The following ERI3 variants were observed in gnomAD, a reference collection of about 807,000 sequenced individuals.
The protein encoded by ERI3 is ERI1 exoribonuclease 3.
Under a neutral mutation model 44.4 loss-of-function variants are expected in ERI3, and 18 were observed. The observed-to-expected ratio is 0.41, with a 90% CI of 0.28 to 0.60. The LOEUF is 0.60. Among genes scored for constraint, ERI3 ranks in the 20% least tolerant of loss-of-function variants. ERI3 has a pLI of 0.36. For missense variants in ERI3, 294 were observed against 435.5 expected (o/e 0.68, Z 2.89); for synonymous variants, 183 against 164.8 (o/e 1.11, Z -0.84).
At chr1:44,341,470 T>C (rs1355825410) in intron 2 of ERI3, among the ~76,000 whole-genome samples, 1 of 152,256 alleles carries the variant, frequency 6.6e-6, no homozygotes, top group Non-Finnish European at 1.5e-5. Flanking sequence ...GTAATATCGA[T>C]GTCTTCTGCA....
In ERI3 at chr1:44,235,890, T is replaced by C. The variant is rs1362890942; in HGVS notation, c.931+12049A>G. ...GATGCCCTGGAGAAAGGCCTAGCTA[T>C]GCCTAGGGACTCTGGGAAGGGGGGA... On this transcript the variant is annotated intron_variant, in intron 8 of 8. Transcript: ENST00000372257. This position sits in a 1 kb window ranked among gnomAD's most constrained non-coding sequence, Gnocchi z 4.6. 6.6e-6 allele frequency among the ~76,000 whole-genome samples: 1 copy of C among 152,144 alleles called. No homozygotes were observed. The highest frequency in any genetic ancestry group is 1.5e-5 in the Non-Finnish European group (1 of 67,996).
intron 2 of ERI3, among the ~76,000 whole-genome samples, chr1:44,347,920 G>A (rs980498173): frequency 6.6e-6 from 1 of 151,748 alleles, no homozygotes; most frequent in Non-Finnish European, 1.5e-5. Context: ...AATCTAAACT[G>A]TGCTAAGTCT....
intron 7 of ERI3, among the ~76,000 whole-genome samples, chr1:44,265,545 C>T (rs976852293): frequency 2.6e-5 from 4 of 151,926 alleles, no homozygotes; most frequent in African/African-American, 7.3e-5. Context: ...GAAAGACAGA[C>T]AAGTGTTCTT....
At chr1:44,338,874 A>G (rs1646588881) in intron 3 of ERI3, among the ~76,000 whole-genome samples, 171 bp downstream of exon 3, 1 of 152,194 alleles carries the variant, frequency 6.6e-6, no homozygotes, top group African/African-American at 2.4e-5. Context: ...TCTCAGGTCT[A>G]CCTTACACTA....
At position 44,223,960 on chromosome 1, in the gene ERI3, G is replaced by A. The variant is rs377743696; in HGVS notation, c.932-2320C>T. 3.8e-4 allele frequency among the ~76,000 whole-genome samples: 58 copies of A among 152,192 alleles called. No individual in the cohort carries two copies. The East Asian group carries it at 6.6e-3, about 17-fold the overall frequency. Reference sequence around the variant, plus strand: ...AGATAAACCCTAAACGTCCAATCACGAGCTAATTTTCTCTCCAAGCTGCTG... The same window carrying A: ...AGATAAACCCTAAACGTCCAATCACAAGCTAATTTTCTCTCCAAGCTGCTG... On this transcript the variant is annotated intron_variant, in intron 8 of 8. Coordinates refer to ENST00000372257, the MANE Select transcript of ERI3 (RefSeq NM_024066.3).
At position 44,290,582 on chromosome 1, in the gene ERI3, G is replaced by A. The variant is rs528556374; in HGVS notation, c.759-5675C>T. ...GATCCCAGTCAGGGAGCCCTATCTA[G>A]TCAGAGCCTCCATGGGCAGCATGAT... On this transcript the variant is annotated intron_variant, in intron 6 of 8. Coordinates refer to ENST00000372257, the MANE Select transcript of ERI3 (RefSeq NM_024066.3). Among the ~76,000 whole-genome samples, 16 of 152,314 alleles carry A rather than the reference G, an allele frequency of 1.1e-4. No homozygotes were observed. The South Asian group carries it at 3.3e-3, about 32-fold the overall frequency.
intron 4 of ERI3, among the ~76,000 whole-genome samples, chr1:44,315,881 G>A (rs1489510821): frequency 6.6e-6 from 1 of 152,192 alleles, no homozygotes; most frequent in Non-Finnish European, 1.5e-5. Context: ...GGCTGGGCAT[G>A]GTGGCTCAGC....
chr1:44,307,157 TG>T (rs1645854580), intron 6 of ERI3, among the ~76,000 whole-genome samples: 1 of 152,108 alleles, frequency 6.6e-6, no homozygotes, highest in African/African-American at 2.4e-5. Context: ...CTGATGGGTG[TG>T]GGAGATGAGG....
At chr1:44,333,878 T>TAA (rs1646479657) in intron 3 of ERI3, among the ~76,000 whole-genome samples, 1 of 152,222 alleles carries the variant, frequency 6.6e-6, no homozygotes, top group Non-Finnish European at 1.5e-5. Context: ...GAAACTCCTT[T>TAA]ACTCATAGTT....
At chr1:44,343,397 G>A (rs72891796) in intron 2 of ERI3, among the ~76,000 whole-genome samples, 8,701 of 152,146 alleles carry the variant, frequency 0.057, 847 homozygotes, top group African/African-American at 0.2. Flanking sequence ...TGATCAAAGT[G>A]AACATTATCA....
rs551631828 is a variant in ERI3, at chr1:44,308,294, C to G, written c.758+16G>C. On this transcript the variant is annotated intron_variant, in intron 6 of 8. Transcript: ENST00000372257. ...ATTCCAAGCCCTGCCAGCAAAGCAG[C>G]CCTTCTCATACTCACATGACTTTTA... is the stretch of plus-strand genomic sequence containing the variant. 3.1e-5 allele frequency: 49 copies of G among 1,585,868 alleles called. No homozygotes were observed. In the South Asian group the frequency reaches 5.4e-4, roughly 18 times the overall value.
intron 2 of ERI3, among the ~76,000 whole-genome samples, chr1:44,340,761 AC>A (rs1474463729): frequency 6.6e-6 from 1 of 152,236 alleles, no homozygotes; most frequent in Admixed American, 6.5e-5. Context: ...TGGATCCTGC[AC>A]AAGCACAGCA....
At chr1:44,303,570 T>C (rs559019901) in intron 6 of ERI3, among the ~76,000 whole-genome samples, 27 of 152,268 alleles carry the variant, frequency 1.8e-4, no homozygotes, top group Admixed American at 1.2e-3. Context: ...ATTTTATGTA[T>C]TAATGTGTAC....
intron 7 of ERI3, among the ~76,000 whole-genome samples, chr1:44,262,222 T>C (rs996298736): frequency 1.3e-5 from 2 of 152,092 alleles, no homozygotes; most frequent in African/African-American, 4.8e-5. Flanking sequence ...TCTCTGACAC[T>C]TGTCCTCTCT....
At chr1:44,275,887 T>C (rs1041378598) in intron 7 of ERI3, among the ~76,000 whole-genome samples, 1 of 152,172 alleles carries the variant, frequency 6.6e-6, no homozygotes, top group Admixed American at 6.6e-5. Flanking sequence ...TATAAAGGAA[T>C]ACTTGAGGAT....
intron 6 of ERI3, among the ~76,000 whole-genome samples, chr1:44,291,182 C>A (rs1440107524): frequency 6.6e-6 from 1 of 152,212 alleles, no homozygotes; most frequent in Admixed American, 6.5e-5. Flanking sequence ...CAGCTCTGAA[C>A]TACCACATTG....
intron 5 of ERI3, among the ~76,000 whole-genome samples, chr1:44,312,340 G>C (rs1645989650): frequency 6.6e-6 from 1 of 152,080 alleles, no homozygotes; most frequent in South Asian, 2.1e-4. Context: ...AGATCCACGG[G>C]CTTTTTCTCT....
rs918603208 is a variant in ERI3 at position 44,235,724 on chromosome 1, G to C, written c.931+12215C>G. 2.6e-5 allele frequency among the ~76,000 whole-genome samples: 4 copies of C among 152,148 alleles called. No individual in the cohort carries two copies. In the South Asian group the frequency reaches 8.3e-4, roughly 32 times the overall value. The stretch of plus-strand genomic sequence containing the variant: ...CCTTCCCCACCTCCGTTCCCTTCTA[G>C]CATCTTGGTTTCCCCAGGACTTCAC... On this transcript the variant is annotated intron_variant, in intron 8 of 8. Transcript: ENST00000372257. This position sits in a 1 kb window ranked among gnomAD's most constrained non-coding sequence, Gnocchi z 4.6.
chr1:44,226,815 A>ACACACACACACACACAC (rs1557764548), intron 8 of ERI3, among the ~76,000 whole-genome samples: 1 of 149,392 alleles, frequency 6.7e-6, no homozygotes, highest in Non-Finnish European at 1.5e-5. Flanking sequence ...ACACACACAC[A>ACACACACACACACACAC]AACTATCCTA....
Sources: allele counts gnomAD v4.1 joint callset (sites outside exome capture counted in the v4.1 genomes callset), GRCh38; gene constraint gnomAD v4.1.1; non-coding constraint Gnocchi (gnomAD v3.1); transcripts MANE v1.5; gene names NCBI Gene and HGNC (gene_info 2026-07-23, HGNC 2026-07-21).